LANCL3: variants seen among roughly 807,000 people sequenced by gnomAD.
LANCL3 encodes the protein lanC-like protein 3.
Under a neutral mutation model 26.5 loss-of-function variants are expected in LANCL3, and 19 were observed. That is an observed-to-expected ratio of 0.72 (90% CI 0.50 to 1.05). LANCL3 has a LOEUF of 1.05. Ranked by LOEUF, LANCL3 falls within the 50% of genes least tolerant of loss-of-function variation. The pLI, the probability that LANCL3 is intolerant of heterozygous loss-of-function variation, is 0.00. For missense variants in LANCL3, 318 were observed against 362.7 expected (o/e 0.88, Z 1.00); for synonymous variants, 160 against 166.6 (o/e 0.96, Z 0.30).
intron 1 of LANCL3, among the ~76,000 whole-genome samples, chrX:37,635,760 T>A (rs1227717121): frequency 4.5e-5 from 5 of 111,105 alleles, no homozygotes; most frequent in African/African-American, 6.5e-5. Context: ...TATATATATA[T>A]AAACACATCA....
At chrX:37,649,522 C>T (rs782733025) in intron 1 of LANCL3, among the ~76,000 whole-genome samples, 4 of 111,447 alleles carry the variant, frequency 3.6e-5, no homozygotes, top group African/African-American at 6.5e-5. Context: ...CCATGACACA[C>T]GTATACCTAT....
At chrX:37,661,002 G>T (rs1926404903) in intron 3 of LANCL3, among the ~76,000 whole-genome samples, 1 of 86,587 alleles carries the variant, frequency 1.2e-5, no homozygotes, top group African/African-American at 7.4e-5. Context: ...GACCTTTTTT[G>T]TGGGCGGGGG....
intron 1 of LANCL3, among the ~76,000 whole-genome samples, chrX:37,583,193 A>G (rs1923952708): frequency 8.9e-6 from 1 of 112,061 alleles, no homozygotes; most frequent in Admixed American, 9.4e-5. Flanking sequence ...TTTTGGTACC[A>G]GTACCATGCT....
At chrX:37,591,862 G>A (rs1406346779) in intron 1 of LANCL3, among the ~76,000 whole-genome samples, 6 of 109,975 alleles carry the variant, frequency 5.5e-5, no homozygotes, top group Non-Finnish European at 5.7e-5. Flanking sequence ...TATGGACATA[G>A]GGGGATGGAC....
rs1316366181 is a variant in LANCL3 at position 37,680,355 on chromosome X, T to G, written c.*4542T>G. ...ATACTGGAGGTGTGATCTCTCTTCT[T>G]GTTTCTTTAATTGAAAGTACCAATG... On this transcript the variant is annotated 3_prime_UTR_variant, in exon 5 of 5. Transcript: ENST00000378619. 2.7e-5 allele frequency: 3 copies of G among 112,429 alleles called. No homozygotes were observed. Among genetic ancestry groups the G allele is most frequent in the African/African-American group, 9.7e-5 (3 of 30,944 alleles). The allele number at this position is 112,429 out of a possible 1,213,427, so 9.3% of individuals were successfully genotyped here.
chrX:37,633,032 A>G (rs1213903545), intron 1 of LANCL3, among the ~76,000 whole-genome samples: 2 of 111,783 alleles, frequency 1.8e-5, no homozygotes, highest in African/African-American at 3.3e-5. Flanking sequence ...TCTCCTGGAT[A>G]ATATCCTGCA....
intron 1 of LANCL3, among the ~76,000 whole-genome samples, chrX:37,585,888 G>T (rs1924060609): frequency 8.9e-6 from 1 of 111,878 alleles, no homozygotes; most frequent in Non-Finnish European, 1.9e-5. Context: ...TTTCTTCCTA[G>T]CCTTGATGGT....
At chrX:37,583,486 A>G (rs1332940270) in intron 1 of LANCL3, among the ~76,000 whole-genome samples, 1 of 111,231 alleles carries the variant, frequency 9.0e-6, no homozygotes, top group Non-Finnish European at 1.9e-5. Flanking sequence ...ATCCTCTTTT[A>G]TTTCATTGAG....
intron 1 of LANCL3, among the ~76,000 whole-genome samples, chrX:37,590,045 G>A (rs1556418694): frequency 8.9e-6 from 1 of 112,778 alleles, no homozygotes; most frequent in Non-Finnish European, 1.9e-5. Flanking sequence ...AGTGTTATAA[G>A]AATTGGCTTT....
At chrX:37,584,117 C>A (rs1388275917) in intron 1 of LANCL3, among the ~76,000 whole-genome samples, 5 of 111,491 alleles carry the variant, frequency 4.5e-5, no homozygotes, top group African/African-American at 1.6e-4. Flanking sequence ...TGCTGGATTA[C>A]GTTTATTGAT....
chrX:37,653,836 G>A (rs782761719), intron 1 of LANCL3, among the ~76,000 whole-genome samples: 3 of 110,586 alleles, frequency 2.7e-5, no homozygotes, highest in Admixed American at 9.6e-5. Flanking sequence ...AATGTTAGGA[G>A]GAGTACACTT....
rs1432679101 is a variant in LANCL3, at chrX:37,572,774, A to T, written c.573+331A>T. On this transcript the variant is annotated intron_variant, in intron 1 of 4. Coordinates refer to ENST00000378619, the MANE Select transcript of LANCL3 (RefSeq NM_001170331.2). Reference sequence around the variant, plus strand: ...GATGAAAACCTCAGAAATGGAAGGGATTTCCTTTCCTTTGACTCTGCTGTC... The same window carrying T: ...GATGAAAACCTCAGAAATGGAAGGGTTTTCCTTTCCTTTGACTCTGCTGTC... Among the ~76,000 whole-genome samples, 4 of 111,761 alleles carry T rather than the reference A, an allele frequency of 3.6e-5. No individual in the cohort carries two copies. In the Admixed American group the frequency reaches 3.8e-4, roughly 11 times the overall value.
At chrX:37,635,466 AT>A (rs1925680523) in intron 1 of LANCL3, among the ~76,000 whole-genome samples, 1 of 111,551 alleles carries the variant, frequency 9.0e-6, no homozygotes, top group Non-Finnish European at 1.9e-5. Context: ...CTCCCCCCAA[AT>A]TTTGTCCTTA....
intron 1 of LANCL3, among the ~76,000 whole-genome samples, chrX:37,625,973 C>T (rs1925304247): frequency 8.9e-6 from 1 of 111,931 alleles, no homozygotes; most frequent in Non-Finnish European, 1.9e-5. Context: ...CAAGCTTTTG[C>T]TTATATCACT....
At chrX:37,581,143 AT>A (rs1160203991) in intron 1 of LANCL3, among the ~76,000 whole-genome samples, 2 of 111,875 alleles carry the variant, frequency 1.8e-5, no homozygotes, top group African/African-American at 6.5e-5. Context: ...CTGAATTACA[AT>A]TTTTTTCCCC....
intron 1 of LANCL3, among the ~76,000 whole-genome samples, chrX:37,574,376 G>A (rs1432052234): frequency 1.8e-5 from 2 of 111,288 alleles, no homozygotes; most frequent in African/African-American, 6.6e-5. Context: ...TATGTCCTGG[G>A]TTTCTTCCCC....
chrX:37,672,060 A>C (rs1310234843), intron 4 of LANCL3, among the ~76,000 whole-genome samples: 7 of 112,077 alleles, frequency 6.2e-5, no homozygotes, highest in African/African-American at 2.3e-4. Flanking sequence ...AAAGCGTATT[A>C]AAAGGGATCA....
intron 1 of LANCL3, among the ~76,000 whole-genome samples, chrX:37,632,490 G>T (rs2146756821): frequency 9.0e-6 from 1 of 110,943 alleles, no homozygotes; most frequent in African/African-American, 3.3e-5. Flanking sequence ...ATTTGATCCT[G>T]TCATTGTGAT....
intron 4 of LANCL3, among the ~76,000 whole-genome samples, chrX:37,670,335 A>T (rs1320201223): frequency 2.7e-5 from 3 of 111,500 alleles, no homozygotes; most frequent in Non-Finnish European, 3.8e-5. Flanking sequence ...CCAAAGTTTT[A>T]AGTATTTTTC....
Sources: gnomAD v4.1 joint callset for allele counts (sites outside exome capture counted in the v4.1 genomes callset) on GRCh38, gnomAD v4.1.1 for gene constraint, MANE v1.5 for transcripts, NCBI Gene and HGNC (gene_info 2026-07-23, HGNC 2026-07-21) for gene names.